The following PDE11A variants were observed in gnomAD, a reference collection of about 807,000 sequenced individuals.
PDE11A encodes dual 3',5'-cyclic-AMP and -GMP phosphodiesterase 11A.
In PDE11A, 100 loss-of-function variants were observed where a neutral mutation model predicts 100.5. The observed-to-expected ratio is 1.00, with a 90% CI of 0.85 to 1.18. PDE11A has a LOEUF of 1.18. Ranked by LOEUF, PDE11A falls within the 50% of genes most tolerant of loss-of-function variation. The probability of loss-of-function intolerance (pLI) is 0.00; values close to 1 mark genes in which losing one functional copy is unlikely to be tolerated. For synonymous variants in PDE11A, 381 were observed against 420.8 expected, an observed-to-expected ratio of 0.91 and a Z score of 1.16; for missense variants, 1,141 against 1,152.6, an observed-to-expected ratio of 0.99 and a Z score of 0.15.
chr2:178,058,337 G>A (rs917868816), intron 1 of PDE11A, among the ~76,000 whole-genome samples: 1 of 152,220 alleles, frequency 6.6e-6, no homozygotes, highest in African/African-American at 2.4e-5. Flanking sequence ...TGTTGTGGAA[G>A]GAATCTGGTG....
intron 17 of PDE11A, 58 bp downstream of exon 17, chr2:177,675,397 T>C: frequency 8.4e-7 from 1 of 1,192,214 alleles, no homozygotes; most frequent in Non-Finnish European, 1.3e-6. Flanking sequence ...GAATATTGTG[T>C]CCCCCTTACG....
intron 2 of PDE11A, among the ~76,000 whole-genome samples, chr2:177,982,435 AG>A (rs1350505400): frequency 6.6e-6 from 1 of 150,820 alleles, no homozygotes; most frequent in African/African-American, 2.4e-5. Context: ...ACCTAAAAAA[AG>A]ACTTCAAATT....
At chr2:177,946,363 C>A (rs1251714902) in intron 2 of PDE11A, among the ~76,000 whole-genome samples, 1 of 118,740 alleles carries the variant, frequency 8.4e-6, no homozygotes, top group Admixed American at 7.9e-5. Context: ...CCAGCCGCCC[C>A]GTCCGGGAGG....
At chr2:178,023,779 T>G (rs1364977263) in intron 1 of PDE11A, among the ~76,000 whole-genome samples, 1 of 152,236 alleles carries the variant, frequency 6.6e-6, no homozygotes, top group Admixed American at 6.5e-5. Flanking sequence ...GTCTTTGAGT[T>G]ACAAAATATA....
intron 2 of PDE11A, among the ~76,000 whole-genome samples, chr2:177,905,517 T>C (rs942842388): frequency 2.0e-5 from 3 of 152,216 alleles, no homozygotes; most frequent in African/African-American, 7.2e-5. Flanking sequence ...GATAAATAAG[T>C]AAATGAACTG....
intron 10 of PDE11A, among the ~76,000 whole-genome samples, chr2:177,762,043 A>G (rs1279631248): frequency 6.6e-6 from 1 of 152,194 alleles, no homozygotes; most frequent in Non-Finnish European, 1.5e-5. Flanking sequence ...AAAGCAGTGT[A>G]CAATAATGGC....
chr2:177,971,432 A>C (rs2085769221), intron 2 of PDE11A, among the ~76,000 whole-genome samples: 1 of 152,154 alleles, frequency 6.6e-6, no homozygotes, highest in Non-Finnish European at 1.5e-5. Context: ...GAAGGCTCAA[A>C]AGTCCCTAGC....
chr2:177,626,959 T>C lies in PDE11A; in HGVS notation c.*2448A>G, dbSNP rs1469327993. On this transcript the variant is annotated 3_prime_UTR_variant, in exon 20 of 20. Transcript: ENST00000286063. ...GTCTCGGTCCCTGTCTTTCCTTTAC[T>C]GGTGTTCTTACGTTTCTTTTTCTTC... 6.7e-6 allele frequency: 1 copy of C among 150,164 alleles called. No homozygotes were observed. Among genetic ancestry groups the C allele is most frequent in the Non-Finnish European group, 1.5e-5 (1 of 67,614 alleles). The allele number at this position is 150,164 out of a possible 1,614,324, so 9.3% of individuals were successfully genotyped here.
At chr2:178,020,386 G>A (rs1203588678) in intron 1 of PDE11A, among the ~76,000 whole-genome samples, 1 of 152,216 alleles carries the variant, frequency 6.6e-6, no homozygotes, top group Non-Finnish European at 1.5e-5. Flanking sequence ...AAAGTCACAT[G>A]AGAACAATAG....
At chr2:177,948,363 C>T (rs1374741068) in intron 2 of PDE11A, among the ~76,000 whole-genome samples, 1 of 152,054 alleles carries the variant, frequency 6.6e-6, no homozygotes, top group East Asian at 1.9e-4. Context: ...CTTAATATAC[C>T]TGTCGAATTC....
chr2:177,853,760 A>G (rs1485739460), intron 5 of PDE11A, among the ~76,000 whole-genome samples: 1 of 22,982 alleles, frequency 4.4e-5, no homozygotes, highest in Non-Finnish European at 1.3e-4. Flanking sequence ...ATATATCTAT[A>G]TATGTATATA....
At chr2:178,085,188 C>T (rs761032854) in intron 2 of PDE11A, among the ~76,000 whole-genome samples, 13 of 152,206 alleles carry the variant, frequency 8.5e-5, no homozygotes, top group African/African-American at 2.6e-4. Flanking sequence ...GGTACCTAGA[C>T]GTGAGGTGCT....
At chr2:178,051,002 G>T (rs147673439) in intron 1 of PDE11A, among the ~76,000 whole-genome samples, 1 of 152,084 alleles carries the variant, frequency 6.6e-6, no homozygotes, top group South Asian at 2.1e-4. Context: ...AGGAAACAGA[G>T]AGAACGCCAC....
At chr2:178,056,341 C>G (rs2086899041) in intron 1 of PDE11A, among the ~76,000 whole-genome samples, 1 of 152,120 alleles carries the variant, frequency 6.6e-6, no homozygotes, top group Non-Finnish European at 1.5e-5. Flanking sequence ...ATCAATGAGC[C>G]TGAGAATTGC....
chr2:177,675,892 T>C, intron 16 of PDE11A: 1 of 348,118 alleles, frequency 2.9e-6, no homozygotes. Context: ...TATAACACTA[T>C]ATACATGGCT....
chr2:177,987,461 T>G (rs1035180760), intron 2 of PDE11A, among the ~76,000 whole-genome samples: 1 of 152,176 alleles, frequency 6.6e-6, no homozygotes, highest in Non-Finnish European at 1.5e-5. Context: ...TTTTCTTATC[T>G]CAAAGTGGGG....
intron 2 of PDE11A, among the ~76,000 whole-genome samples, chr2:178,103,751 T>C (rs2087586754): frequency 6.6e-6 from 1 of 151,860 alleles, no homozygotes; most frequent in Non-Finnish European, 1.5e-5. Flanking sequence ...TAATTTCCAT[T>C]CTTAGACAGA....
At chr2:177,745,591 G>A (rs950014555) in intron 10 of PDE11A, among the ~76,000 whole-genome samples, 6 of 152,214 alleles carry the variant, frequency 3.9e-5, no homozygotes, top group Non-Finnish European at 7.3e-5. Flanking sequence ...GCTGGGCCTT[G>A]AGAGTGCCAG....
At chr2:178,094,298 G>A (rs1329620824) in intron 2 of PDE11A, among the ~76,000 whole-genome samples, 6 of 152,120 alleles carry the variant, frequency 3.9e-5, no homozygotes, top group African/African-American at 1.4e-4. Flanking sequence ...GGAGCCTGAG[G>A]CGGGTGGATC....
Sources: allele counts gnomAD v4.1 joint callset (sites outside exome capture counted in the v4.1 genomes callset), GRCh38; gene constraint gnomAD v4.1.1; transcripts MANE v1.5; gene names NCBI Gene and HGNC (gene_info 2026-07-23, HGNC 2026-07-21).